Variants in TP53BP2 observed in about 807,000 individuals in gnomAD.
TP53BP2 encodes tumor protein p53 binding protein 2.
In TP53BP2, 62 loss-of-function variants were observed where a neutral mutation model predicts 126.2. The observed-to-expected ratio is 0.49, with a 90% CI of 0.40 to 0.61. TP53BP2 has a LOEUF of 0.61. Ranked by LOEUF, TP53BP2 falls within the 20% of genes least tolerant of loss-of-function variation. TP53BP2 has a pLI of 0.00. For synonymous variants in TP53BP2, 485 were observed against 502.9 expected (o/e 0.96, Z 0.48); for missense variants, 1,215 against 1,402.8 (o/e 0.87, Z 2.14).
chr1:223,792,624 GTGACAC>G (rs1662190827), intron 14 of TP53BP2, 102 bp from the exon 15 acceptor site: 1 of 1,162,448 alleles, frequency 8.6e-7, no homozygotes, highest in Non-Finnish European at 1.2e-6. Flanking sequence ...ATGGACTCTT[GTGACAC>G]TTTTAAAAAT....
chr1:223,839,100 C>T (rs1244259808), intron 1 of TP53BP2, among the ~76,000 whole-genome samples: 1 of 151,340 alleles, frequency 6.6e-6, no homozygotes, highest in Non-Finnish European at 1.5e-5. Context: ...TTACCATTAG[C>T]CAAAAGAACA....
chr1:223,822,311 A>C (rs553713052), intron 1 of TP53BP2, among the ~76,000 whole-genome samples: 6 of 152,304 alleles, frequency 3.9e-5, no homozygotes, highest in African/African-American at 1.4e-4. Flanking sequence ...AGTAGCTGTT[A>C]TGTTAACACC....
intron 1 of TP53BP2, among the ~76,000 whole-genome samples, chr1:223,839,309 A>G (rs1167378120): frequency 2.6e-5 from 4 of 152,182 alleles, no homozygotes; most frequent in South Asian, 2.1e-4. Flanking sequence ...TCAGAGTGTA[A>G]TAAGGGGATT....
chr1:223,823,414 G>T (rs997410722), intron 1 of TP53BP2, among the ~76,000 whole-genome samples: 2 of 152,178 alleles, frequency 1.3e-5, no homozygotes, highest in Non-Finnish European at 1.5e-5. Flanking sequence ...TCCACATTCT[G>T]CAACCAAAGC....
At chr1:223,815,058 T>C (rs1663040893) in intron 2 of TP53BP2, among the ~76,000 whole-genome samples, 2 of 152,184 alleles carry the variant, frequency 1.3e-5, no homozygotes. Context: ...GATCTGGATA[T>C]AAAAACGAGA....
intron 2 of TP53BP2, 41 bp downstream of exon 2, chr1:223,821,179 A>C (rs1393491345): frequency 6.2e-7 from 1 of 1,613,306 alleles, no homozygotes; most frequent in South Asian, 1.1e-5. Context: ...CATTAATAGA[A>C]GACAGAAGAA....
At chr1:223,840,222 G>A (rs1001946315) in intron 1 of TP53BP2, among the ~76,000 whole-genome samples, 1 of 152,114 alleles carries the variant, frequency 6.6e-6, no homozygotes, top group African/African-American at 2.4e-5. Context: ...AAGGATCCCC[G>A]AATGACCAAA....
intron 1 of TP53BP2, among the ~76,000 whole-genome samples, chr1:223,841,881 G>A (rs1364826352): frequency 6.6e-6 from 1 of 151,172 alleles, no homozygotes; most frequent in African/African-American, 2.4e-5. Context: ...CTTCAACTGA[G>A]CTTTTTAAAA....
intron 1 of TP53BP2, among the ~76,000 whole-genome samples, chr1:223,824,321 G>A (rs1236343924): frequency 6.6e-6 from 1 of 152,174 alleles, no homozygotes; most frequent in Non-Finnish European, 1.5e-5. Context: ...TTCTATTTAT[G>A]GTTACTTTTC....
chr1:223,845,751 G>A lies in TP53BP2; in HGVS notation c.-71C>T, dbSNP rs1664252532. ...CGGAGGGTCGCGGATGCGGGGGAGG[G>A]GAGCGGAGAGCGAGGCCGCCCGGAC... On this transcript the variant is annotated 5_prime_UTR_variant, in exon 1 of 18. Transcript: ENST00000343537. 2.6e-5 allele frequency: 37 copies of A among 1,421,926 alleles called. No homozygotes were observed. Among genetic ancestry groups the A allele is most frequent in the Non-Finnish European group, 3.3e-5 (36 of 1,084,484 alleles). The allele number at this position is 1,421,926 out of a possible 1,614,324, so 88.1% of individuals were successfully genotyped here.
intron 1 of TP53BP2, among the ~76,000 whole-genome samples, chr1:223,844,591 T>G (rs1664208584): frequency 6.6e-6 from 1 of 152,208 alleles, no homozygotes; most frequent in Admixed American, 6.5e-5. Flanking sequence ...TCAAATTCCT[T>G]GAATCCTGGC....
intron 1 of TP53BP2, among the ~76,000 whole-genome samples, chr1:223,837,203 C>T (rs1482734150): frequency 2.0e-5 from 3 of 150,568 alleles, no homozygotes; most frequent in Non-Finnish European, 4.4e-5. Flanking sequence ...GCATCAGAAG[C>T]TTCCAGAGCA....
chr1:223,808,526 G>A (rs149676168), intron 4 of TP53BP2, among the ~76,000 whole-genome samples: 1,788 of 144,250 alleles, frequency 0.012, 80 homozygotes, highest in Admixed American at 0.089. Context: ...AGGCGACAGA[G>A]TGAGACTCTG....
chr1:223,809,243 C>T (rs1239544060), intron 4 of TP53BP2, among the ~76,000 whole-genome samples: 1 of 152,066 alleles, frequency 6.6e-6, no homozygotes, highest in Non-Finnish European at 1.5e-5. Context: ...ATCTGCATTT[C>T]ATCTTTTCAT....
chr1:223,810,555 G>C (rs761070598), intron 3 of TP53BP2, 42 bp from the exon 4 acceptor site: 6 of 1,333,386 alleles, frequency 4.5e-6, no homozygotes, highest in Non-Finnish European at 6.2e-6. Context: ...CACTAGAGTT[G>C]ACAGATATTT....
At chr1:223,821,417 T>C in intron 1 of TP53BP2, 50 bp from the exon 2 acceptor site, 3 of 1,610,604 alleles carry the variant, frequency 1.9e-6, no homozygotes, top group Non-Finnish European at 2.5e-6. Flanking sequence ...CTGCCTAATG[T>C]GGTATTCACC....
chr1:223,827,394 A>G (rs545583260), intron 1 of TP53BP2, among the ~76,000 whole-genome samples: 1 of 152,294 alleles, frequency 6.6e-6, no homozygotes, highest in East Asian at 1.9e-4. Context: ...GGAAGATGCA[A>G]AAGTGTACAA....
At chr1:223,831,231 A>T (rs1246980000) in intron 1 of TP53BP2, among the ~76,000 whole-genome samples, 2 of 76,034 alleles carry the variant, frequency 2.6e-5, no homozygotes, top group Non-Finnish European at 2.1e-5. Flanking sequence ...TTTATATTAA[A>T]AAAAAAAAAA....
At chr1:223,829,215 T>A (rs774889511) in intron 1 of TP53BP2, among the ~76,000 whole-genome samples, 16 of 152,116 alleles carry the variant, frequency 1.1e-4, no homozygotes, top group Non-Finnish European at 1.5e-4. Context: ...ATACCTATAG[T>A]CCAAGCTACC....
Sources: gnomAD v4.1 joint callset for allele counts (sites outside exome capture counted in the v4.1 genomes callset) on GRCh38, gnomAD v4.1.1 for gene constraint, MANE v1.5 for transcripts, NCBI Gene and HGNC (gene_info 2026-07-23, HGNC 2026-07-21) for gene names.